Variants in SNTG2 observed in about 807,000 individuals in gnomAD.
The protein encoded by SNTG2 is syntrophin gamma 2, also known as gamma-2-syntrophin.
SNTG2 carries 74 observed loss-of-function variants against 70.9 expected under a neutral mutation model. The observed-to-expected ratio is 1.04, with a 90% CI of 0.86 to 1.27. SNTG2 has a LOEUF of 1.27. Among genes scored for constraint, SNTG2 ranks in the 50% most tolerant of loss-of-function variants. SNTG2 has a pLI of 0.00. For synonymous variants in SNTG2, 278 were observed against 273.8 expected (o/e 1.02, Z -0.15); for missense variants, 717 against 690.7 (o/e 1.04, Z -0.43).
In SNTG2 at chr2:1,274,703, C is replaced by T. The variant is rs114736283; in HGVS notation, c.1284+7132C>T. On this transcript the variant is annotated intron_variant, in intron 14 of 16. Coordinates refer to ENST00000308624, the MANE Select transcript of SNTG2 (RefSeq NM_018968.4). Reference sequence around the variant, plus strand: ...TCTGCCCTCGATCAGGACGTTTCTGCCTGGATTTTGTTGTAGGAGCATGAC... The same window carrying T: ...TCTGCCCTCGATCAGGACGTTTCTGTCTGGATTTTGTTGTAGGAGCATGAC... Among the ~76,000 whole-genome samples, 781 of 152,168 alleles carry T rather than the reference C, an allele frequency of 5.1e-3. 3 individuals carry two copies. Among genetic ancestry groups the T allele is most frequent in the African/African-American group, 0.018 (730 of 41,486 alleles).
intron 16 of SNTG2, among the ~76,000 whole-genome samples, chr2:1,317,396 G>T (rs62105564): frequency 7.2e-4 from 35 of 48,484 alleles, no homozygotes; most frequent in South Asian, 2.3e-3. Context: ...TCTGGAGCAT[G>T]TAGCATGAGG....
chr2:985,022 T>C (rs1661258601), intron 1 of SNTG2, among the ~76,000 whole-genome samples: 1 of 152,158 alleles, frequency 6.6e-6, no homozygotes, highest in African/African-American at 2.4e-5. Context: ...CAGAAGCATA[T>C]TATATGTCCA....
chr2:1,056,283 C>T (rs1164962249), intron 1 of SNTG2, among the ~76,000 whole-genome samples: 2 of 25,868 alleles, frequency 7.7e-5, no homozygotes, highest in Non-Finnish European at 1.3e-4. Context: ...GGAGAGGCCG[C>T]GCCGTGCTGT....
rs373879944 is a variant in SNTG2 at position 1,187,047 on chromosome 2, G to A, written c.591+13864G>A. ...GGGGCTGCAGAGACAGACCGAAGAC[G>A]TCTAGCACATGCTCACCCATCAAGG... On this transcript the variant is annotated intron_variant, in intron 8 of 16. Transcript: ENST00000308624. Among the ~76,000 whole-genome samples the A allele has an allele frequency of 3.3e-5, 5 of 152,320 alleles. No individual in the cohort carries two copies. The South Asian group carries it at 6.2e-4, about 19-fold the overall frequency.
At chr2:1,109,284 C>T (rs996430328) in intron 4 of SNTG2, among the ~76,000 whole-genome samples, 1 of 152,082 alleles carries the variant, frequency 6.6e-6, no homozygotes, top group African/African-American at 2.4e-5. Context: ...TCCTCTATGA[C>T]TGGATGGAAT....
intron 1 of SNTG2, among the ~76,000 whole-genome samples, chr2:991,372 T>TACACAC (rs61002101): frequency 0.044 from 6,202 of 140,262 alleles, 156 homozygotes; most frequent in African/African-American, 0.066. Flanking sequence ...TCTGTAATAT[T>TACACAC]ACACACACAC....
chr2:1,080,007 G>T (rs968100916), intron 1 of SNTG2, among the ~76,000 whole-genome samples: 3 of 152,218 alleles, frequency 2.0e-5, no homozygotes, highest in Admixed American at 6.5e-5. Flanking sequence ...GCCACTTGGG[G>T]TCTCTGCACC....
intron 6 of SNTG2, among the ~76,000 whole-genome samples, chr2:1,164,706 C>T (rs772401023): frequency 4.0e-5 from 6 of 149,486 alleles, no homozygotes; most frequent in Non-Finnish European, 7.4e-5. Context: ...AAATTTTGGA[C>T]AGTCTCCATG....
chr2:1,061,343 G>A (rs191654934), intron 1 of SNTG2, among the ~76,000 whole-genome samples: 14 of 152,336 alleles, frequency 9.2e-5, no homozygotes, highest in Admixed American at 4.6e-4. Flanking sequence ...GAAAGGTATT[G>A]TGAGATCATG....
chr2:959,135 A>G (rs1412111964), intron 1 of SNTG2, among the ~76,000 whole-genome samples: 1 of 152,244 alleles, frequency 6.6e-6, no homozygotes, highest in African/African-American at 2.4e-5. Flanking sequence ...GTTGAATAAT[A>G]TTGTAAATTT....
In SNTG2 at chr2:1,103,391, A is replaced by T. The variant is rs4971440; in HGVS notation, c.325+4981A>T. On this transcript the variant is annotated intron_variant, in intron 4 of 16. Transcript: ENST00000308624. ...TGATTATAAATTTCTTTTTTTTTTT[A>T]TTTTTTTTTTTAGATGGAGTCTTGC... The T allele has an allele frequency of 8.9e-3, 2,068 of 232,524 alleles. 3 individuals carry two copies. The highest frequency in any genetic ancestry group is 0.017 in the South Asian group (367 of 21,528). 14.4% of individuals were successfully genotyped at this position (232,524 alleles called of 1,614,324 possible).
intron 7 of SNTG2, among the ~76,000 whole-genome samples, chr2:1,170,242 A>G (rs997615758): frequency 6.6e-6 from 1 of 152,236 alleles, no homozygotes; most frequent in Admixed American, 6.5e-5. Flanking sequence ...GATACAATTC[A>G]TGCAACAGAA....
At chr2:1,250,588 GTCTC>G (rs1677697068) in intron 12 of SNTG2, among the ~76,000 whole-genome samples, 1 of 151,068 alleles carries the variant, frequency 6.6e-6, no homozygotes, top group Non-Finnish European at 1.5e-5. Context: ...CTTTGTCTTT[GTCTC>G]TCTCTGTCTG....
intron 16 of SNTG2, among the ~76,000 whole-genome samples, chr2:1,361,753 G>A (rs371558268): frequency 1.8e-3 from 73 of 39,864 alleles, no homozygotes; most frequent in East Asian, 4.8e-3. Context: ...CTTCCATGAA[G>A]GTCACCGATG....
At chr2:1,212,044 T>A (rs1337644312) in intron 9 of SNTG2, among the ~76,000 whole-genome samples, 1 of 152,180 alleles carries the variant, frequency 6.6e-6, no homozygotes, top group Admixed American at 6.5e-5. Flanking sequence ...AGATTGTTTC[T>A]GTTACAAAAG....
At chr2:1,235,949 G>A (rs772659976) in intron 9 of SNTG2, among the ~76,000 whole-genome samples, 19 of 152,140 alleles carry the variant, frequency 1.2e-4, no homozygotes, top group East Asian at 5.8e-4. Context: ...AGTTGTGTGC[G>A]TGTGTGTGTG....
At chr2:1,033,091 G>A (rs533667533) in intron 1 of SNTG2, among the ~76,000 whole-genome samples, 99 of 152,294 alleles carry the variant, frequency 6.5e-4, no homozygotes, top group Middle Eastern at 6.8e-3. Flanking sequence ...CAAGAGGATG[G>A]CACTGAACCA....
chr2:1,211,167 G>A (rs1191608536), intron 9 of SNTG2, among the ~76,000 whole-genome samples: 1 of 152,180 alleles, frequency 6.6e-6, no homozygotes, highest in Non-Finnish European at 1.5e-5. Flanking sequence ...TCCTTTTAAA[G>A]TGTGTGCTTG....
At chr2:1,357,305 G>A (rs529638097) in intron 16 of SNTG2, among the ~76,000 whole-genome samples, 19 of 152,168 alleles carry the variant, frequency 1.2e-4, no homozygotes, top group Non-Finnish European at 2.4e-4. Context: ...CCTTTGTTAC[G>A]TTCGGGTAAT....
Sources: gnomAD v4.1 joint callset for allele counts (sites outside exome capture counted in the v4.1 genomes callset) on GRCh38, gnomAD v4.1.1 for gene constraint, MANE v1.5 for transcripts, NCBI Gene and HGNC (gene_info 2026-07-23, HGNC 2026-07-21) for gene names.